DNAI4: variants seen among roughly 807,000 people sequenced by gnomAD.
DNAI4 encodes WD repeat domain 78.
In DNAI4, 85 loss-of-function variants were observed where a neutral mutation model predicts 105.8. The observed-to-expected ratio is 0.80, with a 90% CI of 0.67 to 0.96. The LOEUF (loss-of-function observed/expected upper bound fraction) is 0.96, where lower values mean the gene tolerates loss of function less well. Among genes scored for constraint, DNAI4 ranks in the 40% least tolerant of loss-of-function variants. The pLI is 0.00. For missense variants in DNAI4, 1,014 were observed against 1,005.6 expected (o/e 1.01, Z -0.11); for synonymous variants, 352 against 331.5 (o/e 1.06, Z -0.67).
chr1:66,889,961 C>T (rs568399514), intron 4 of DNAI4, among the ~76,000 whole-genome samples: 83 of 152,252 alleles, frequency 5.5e-4, no homozygotes, highest in Non-Finnish European at 1.0e-3. Context: ...GTTCCCATGA[C>T]GTTCCACATA....
chr1:66,896,945 T>A (rs1384258833), intron 2 of DNAI4, among the ~76,000 whole-genome samples: 1 of 152,154 alleles, frequency 6.6e-6, no homozygotes, highest in East Asian at 1.9e-4. Context: ...AACTGAGTAG[T>A]GGATAGAGGC....
intron 4 of DNAI4, among the ~76,000 whole-genome samples, chr1:66,883,869 A>G (rs1647134784): frequency 1.3e-5 from 2 of 152,158 alleles, no homozygotes; most frequent in South Asian, 2.1e-4. Context: ...TTCTCTTTGC[A>G]ATTTTGTAAT....
At chr1:66,827,157 T>G in intron 14 of DNAI4, 111 bp from the exon 15 acceptor site, 2 of 870,848 alleles carry the variant, frequency 2.3e-6, no homozygotes, top group Non-Finnish European at 3.5e-6. Flanking sequence ...CTATTCATTA[T>G]TGTGTGGGCA....
At chr1:66,824,518 A>T (rs1572592775) in intron 15 of DNAI4, among the ~76,000 whole-genome samples, 1 of 151,958 alleles carries the variant, frequency 6.6e-6, no homozygotes, top group South Asian at 2.1e-4. Context: ...CATTTTCTCG[A>T]TATTGATTCT....
chr1:66,914,117 A>T lies in DNAI4; in HGVS notation c.171-8742T>A, dbSNP rs188349292. On this transcript the variant is annotated intron_variant, in intron 1 of 16. Transcript: ENST00000371026. ...TCTGTTCCTCCTTTAGAAAAAAAAT[A>T]AAAATAAAAAAATAAAAAGTGGGAA... Among the ~76,000 whole-genome samples the T allele has an allele frequency of 4.5e-3, 681 of 152,250 alleles. 3 individuals are homozygous for T. The highest frequency in any genetic ancestry group is 0.016 in the African/African-American group (650 of 41,546).
chr1:66,821,772 A>G (rs954149413), intron 16 of DNAI4, among the ~76,000 whole-genome samples: 4 of 152,100 alleles, frequency 2.6e-5, no homozygotes, highest in Admixed American at 2.6e-4. Context: ...GCTAATATTT[A>G]CCAGATTATT....
chr1:66,876,523 G>A (rs1467888118), intron 4 of DNAI4, among the ~76,000 whole-genome samples: 1 of 152,118 alleles, frequency 6.6e-6, no homozygotes, highest in Non-Finnish European at 1.5e-5. Flanking sequence ...CAACCTTCTT[G>A]ATGGCAGAGG....
intron 6 of DNAI4, chr1:66,870,747 G>A (rs1213277691): frequency 2.1e-4 from 4 of 19,438 alleles, no homozygotes; most frequent in East Asian, 1.3e-3. Flanking sequence ...AGACTCTGAC[G>A]CAAAAAAAAA....
At chr1:66,885,342 C>T (rs757484891) in intron 4 of DNAI4, among the ~76,000 whole-genome samples, 33 of 152,172 alleles carry the variant, frequency 2.2e-4, no homozygotes, top group Admixed American at 3.9e-4. Flanking sequence ...TGATTAAGTT[C>T]TTTCCACATT....
At chr1:66,880,444 G>C (rs1569733554) in intron 4 of DNAI4, among the ~76,000 whole-genome samples, 1 of 152,226 alleles carries the variant, frequency 6.6e-6, no homozygotes, top group East Asian at 1.9e-4. Context: ...AGTCTAGGCT[G>C]AGGTAGTCTC....
rs768246181 is a variant in DNAI4, at chr1:66,893,417, T to C, written c.346-4A>G. ...CAGTTCCATTTATGTCAAATACCTG[T>C]TAAAAATGGTTATTTAAAATGAAAT... is the stretch of plus-strand genomic sequence containing the variant. On this transcript the variant is annotated splice_region_variant and splice_polypyrimidine_tract_variant and intron_variant, in intron 2 of 16. Transcript: ENST00000371026. The C allele has an allele frequency of 1.4e-6, 2 of 1,476,620 alleles. No individual in the cohort carries two copies. The highest frequency in any genetic ancestry group is 1.8e-6 in the Non-Finnish European group (2 of 1,109,592). The allele number at this position is 1,476,620 out of a possible 1,614,324, so 91.5% of individuals were successfully genotyped here.
chr1:66,836,266 A>AAGAGAGAGAG (rs1167466565), intron 10 of DNAI4, among the ~76,000 whole-genome samples: 45 of 27,632 alleles, frequency 1.6e-3, no homozygotes, highest in Non-Finnish European at 3.1e-3. Flanking sequence ...GAAAGAAAGA[A>AAGAGAGAGAG]AGAAAGAAAG....
chr1:66,889,198 C>T (rs1407732519), intron 4 of DNAI4, among the ~76,000 whole-genome samples: 2 of 152,090 alleles, frequency 1.3e-5, no homozygotes, highest in Admixed American at 6.5e-5. Context: ...TTTCCAGGCT[C>T]TTTTAAAGCT....
At chr1:66,839,188 T>C (rs996519028) in intron 9 of DNAI4, among the ~76,000 whole-genome samples, 2 of 152,076 alleles carry the variant, frequency 1.3e-5, no homozygotes, top group Admixed American at 6.5e-5. Flanking sequence ...TCCCAGCACT[T>C]TGGGAGGCCA....
chr1:66,841,803 G>A (rs559430647), intron 8 of DNAI4, among the ~76,000 whole-genome samples: 2 of 152,102 alleles, frequency 1.3e-5, no homozygotes, highest in Non-Finnish European at 2.9e-5. Flanking sequence ...AATGTGCTAC[G>A]GCTTCTGGTT....
intron 4 of DNAI4, among the ~76,000 whole-genome samples, chr1:66,880,795 G>A (rs958676426): frequency 1.3e-5 from 2 of 152,220 alleles, no homozygotes; most frequent in Non-Finnish European, 2.9e-5. Context: ...TAATCACCAA[G>A]ACAATGGGGA....
At chr1:66,851,644 C>T (rs867867924) in intron 7 of DNAI4, among the ~76,000 whole-genome samples, 4 of 151,674 alleles carry the variant, frequency 2.6e-5, no homozygotes, top group South Asian at 4.1e-4. Flanking sequence ...GGAAGATCTC[C>T]AAACACTTAG....
At chr1:66,914,273 G>A (rs1435388427) in intron 1 of DNAI4, among the ~76,000 whole-genome samples, 1 of 152,098 alleles carries the variant, frequency 6.6e-6, no homozygotes, top group Non-Finnish European at 1.5e-5. Flanking sequence ...ACATTTACAA[G>A]GTCAACCTGC....
chr1:66,893,089 G>GAAAGAAAGAAAGA (rs1557965589), intron 3 of DNAI4, 140 bp downstream of exon 3: 2 of 408,492 alleles, frequency 4.9e-6, no homozygotes, highest in African/African-American at 4.3e-5. Context: ...AAGAAAGAAA[G>GAAAGAAAGAAAGA]AAAGAAAGAA....
Sources: gnomAD v4.1 joint callset for allele counts (sites outside exome capture counted in the v4.1 genomes callset) on GRCh38, gnomAD v4.1.1 for gene constraint, MANE v1.5 for transcripts, NCBI Gene and HGNC (gene_info 2026-07-23, HGNC 2026-07-21) for gene names.